The following CYREN variants were observed in gnomAD, a reference collection of about 807,000 sequenced individuals.
CYREN encodes cell cycle regulator of NHEJ, also known as cell cycle regulator of non-homologous end joining.
A neutral mutation model predicts 9.7 loss-of-function variants in CYREN; 7 were observed. The ratio of observed to expected loss-of-function variants is 0.72; its 90% CI spans 0.41 to 1.36. CYREN has a LOEUF of 1.36. CYREN is among the 40% of genes most tolerant of loss of function. The pLI, the probability that CYREN is intolerant of heterozygous loss-of-function variation, is 0.01. For synonymous variants in CYREN, 76 were observed against 77.9 expected (o/e 0.98, Z 0.13); for missense variants, 215 against 198.1 (o/e 1.09, Z -0.51).
intron 2 of CYREN, chr7:135,094,662 TG>T: frequency 2.7e-6 from 1 of 374,398 alleles, no homozygotes; most frequent in Non-Finnish European, 5.2e-6. Context: ...TCTCTTAGGG[TG>T]TTAACTCTAA....
At chr7:135,096,886 A>G (rs1269989033) in intron 2 of CYREN, among the ~76,000 whole-genome samples, 1 of 152,214 alleles carries the variant, frequency 6.6e-6, no homozygotes, top group African/African-American at 2.4e-5. Flanking sequence ...AGAGCATATG[A>G]CAAAATATGC....
In CYREN at chr7:135,166,442, G is replaced by A. The variant is rs149253436; in HGVS notation, c.*169C>T. The A allele has an allele frequency of 6.6e-5, 71 of 1,070,816 alleles. No individual in the cohort carries two copies. In the South Asian group the frequency reaches 7.9e-4, roughly 12 times the overall value. 66.3% of individuals were successfully genotyped at this position (1,070,816 alleles called of 1,614,324 possible). ...ACTCAGAACGGCAGCCCCAAGGCCC[G>A]GAGTGTCCAGGGGCTTCTGGCCTGA... is the stretch of plus-strand genomic sequence containing the variant. On this transcript the variant is annotated 3_prime_UTR_variant, in exon 4 of 4. Coordinates refer to ENST00000393114, the MANE Select transcript of CYREN (RefSeq NM_024033.4).
chr7:135,114,550 C>T (rs1227449432), intron 2 of CYREN, among the ~76,000 whole-genome samples: 2 of 152,098 alleles, frequency 1.3e-5, no homozygotes, highest in African/African-American at 2.4e-5. Context: ...TTTCCTCAAA[C>T]TAGAAGCTTT....
At position 135,151,890 on chromosome 7, in the gene CYREN, T is replaced by G. The variant is rs534057613; in HGVS notation, n.356+16859A>C. Among the ~76,000 whole-genome samples the G allele has an allele frequency of 6.6e-6, 1 of 152,294 alleles. No individual in the cohort carries two copies. Among genetic ancestry groups the G allele is most frequent in the East Asian group, 1.9e-4 (1 of 5,188 alleles). On this transcript the variant is annotated intron_variant and non_coding_transcript_variant, in intron 2 of 2. Coordinates refer to the CYREN transcript ENST00000459937. This position sits in a 1 kb window ranked among gnomAD's most constrained non-coding sequence, Gnocchi z 4.3. Reference sequence around the variant, plus strand: ...TACCTCTCAACAGGCAGCTGCATCCTGGAGTCATCACAACCAAACATAAAT... The same window carrying G: ...TACCTCTCAACAGGCAGCTGCATCCGGGAGTCATCACAACCAAACATAAAT...
chr7:135,169,235 G>T (rs1830467125), intron 1 of CYREN, 175 bp from the exon 2 acceptor site: 2 of 213,542 alleles, frequency 9.4e-6, no homozygotes, highest in East Asian at 1.1e-4. Context: ...AGAGCCCTCT[G>T]ACCTCCCCAA....
At chr7:135,162,455 C>T (rs1397904482), downstream of CYREN, among the ~76,000 whole-genome samples, 1 of 152,156 alleles carries the variant, frequency 6.6e-6, no homozygotes, top group African/African-American at 2.4e-5. Flanking sequence ...TGAAGAGATA[C>T]CCAGTAATTT....
downstream of CYREN, among the ~76,000 whole-genome samples, chr7:135,162,514 G>C (rs1020120298): frequency 6.6e-6 from 1 of 152,214 alleles, no homozygotes; most frequent in African/African-American, 2.4e-5. Flanking sequence ...TGGTTAGGGA[G>C]GCCTCACAAT....
chr7:135,152,752 G>C (rs1829695171), intron 2 of CYREN: 2 of 152,266 alleles, frequency 1.3e-5, no homozygotes, highest in South Asian at 4.1e-4. Flanking sequence ...TTAAAAGAAA[G>C]GCCCTAGGAA....
chr7:135,135,175 C>G, intron 2 of CYREN: 5 of 1,549,836 alleles, frequency 3.2e-6, no homozygotes, highest in Non-Finnish European at 4.4e-6. Context: ...GCATACAGCC[C>G]TCCATCTAAC....
At chr7:135,167,235 A>C in intron 3 of CYREN, 1 of 1,105,620 alleles carries the variant, frequency 9.0e-7, no homozygotes, top group Non-Finnish European at 1.1e-6. Context: ...CCCACACCAC[A>C]GGGTTATTGC....
At chr7:135,122,600 G>A (rs897091076) in intron 2 of CYREN, among the ~76,000 whole-genome samples, 2 of 152,160 alleles carry the variant, frequency 1.3e-5, no homozygotes, top group East Asian at 1.9e-4. Context: ...TCCAACAGGG[G>A]TTGTCAGATA....
At chr7:135,122,416 T>G (rs934822649) in intron 2 of CYREN, among the ~76,000 whole-genome samples, 3 of 152,044 alleles carry the variant, frequency 2.0e-5, no homozygotes, top group Non-Finnish European at 4.4e-5. Flanking sequence ...GCGGGAGGGG[T>G]GACCACAGTC....
chr7:135,127,051 C>CA, intron 2 of CYREN, among the ~76,000 whole-genome samples: 1 of 152,208 alleles, frequency 6.6e-6, no homozygotes, highest in East Asian at 1.9e-4. Flanking sequence ...TTCTGCATAG[C>CA]AAAAGAAACC....
intron 2 of CYREN, among the ~76,000 whole-genome samples, chr7:135,152,599 A>C (rs1213616129): frequency 6.6e-6 from 1 of 152,228 alleles, no homozygotes; most frequent in Non-Finnish European, 1.5e-5. Flanking sequence ...GTAAATTCTC[A>C]AGAGATTTTG....
intron 2 of CYREN, among the ~76,000 whole-genome samples, chr7:135,116,598 T>TG (rs1386582026): frequency 1.3e-5 from 2 of 152,142 alleles, no homozygotes; most frequent in African/African-American, 4.8e-5. Flanking sequence ...AATGACACCC[T>TG]GGGGGAGGAG....
At chr7:135,152,436 C>G (rs931814447) in intron 2 of CYREN, among the ~76,000 whole-genome samples, 19 of 152,262 alleles carry the variant, frequency 1.2e-4, no homozygotes, top group Admixed American at 4.6e-4. Flanking sequence ...CCATCATTCA[C>G]TGGCTGTGTG....
intron 2 of CYREN, among the ~76,000 whole-genome samples, chr7:135,106,736 T>C (rs182898352): frequency 2.0e-5 from 3 of 152,314 alleles, no homozygotes; most frequent in Admixed American, 1.3e-4. Context: ...ATAGAATGAG[T>C]TGGGGAGGAG....
At chr7:135,159,428 CA>C (rs1411239371) in intron 2 of CYREN, among the ~76,000 whole-genome samples, 3 of 152,180 alleles carry the variant, frequency 2.0e-5, no homozygotes, top group East Asian at 3.8e-4. Context: ...CTTAAACCAA[CA>C]AAAAAGCTGC....
downstream of CYREN, chr7:135,165,670 C>T (rs985728893): frequency 2.4e-5 from 4 of 167,018 alleles, no homozygotes; most frequent in African/African-American, 9.7e-5. Context: ...CATGATGAGA[C>T]CCTGGAGGAC....
Sources: allele counts gnomAD v4.1 joint callset (sites outside exome capture counted in the v4.1 genomes callset), GRCh38; gene constraint gnomAD v4.1.1; non-coding constraint Gnocchi (gnomAD v3.1); transcripts MANE v1.5; gene names NCBI Gene and HGNC (gene_info 2026-07-23, HGNC 2026-07-21).